SERPINB6: variants seen among roughly 807,000 people sequenced by gnomAD.
SERPINB6 encodes the protein serpin family B member 6.
SERPINB6 carries 16 observed loss-of-function variants against 26.1 expected under a neutral mutation model. That is an observed-to-expected ratio of 0.61 (90% CI 0.42 to 0.93). SERPINB6 has a LOEUF of 0.93. Among genes scored for constraint, SERPINB6 ranks in the 40% least tolerant of loss-of-function variants. The pLI is 0.00. For missense variants in SERPINB6, 420 were observed against 478.0 expected (o/e 0.88, Z 1.13); for synonymous variants, 174 against 176.6 (o/e 0.99, Z 0.11).
At chr6:2,953,209 G>A in intron 4 of SERPINB6, 23 bp from the exon 5 acceptor site, 1 of 1,614,102 alleles carries the variant, frequency 6.2e-7, no homozygotes, top group Non-Finnish European at 8.5e-7. Context: ...ATTCAAGACC[G>A]CATTAGATAG....
intron 1 of SERPINB6, chr6:2,970,635 T>C: frequency 8.2e-7 from 1 of 1,219,468 alleles, no homozygotes; most frequent in Non-Finnish European, 1.0e-6. Flanking sequence ...TGGACTCAGA[T>C]GCCCCCTCGC....
In SERPINB6 at chr6:2,955,668, T is replaced by C; in HGVS notation, c.168A>G (p.Ile56Met). The C allele has an allele frequency of 6.2e-7, 1 of 1,614,174 alleles. No homozygotes were observed. The highest frequency in any genetic ancestry group is 8.5e-7 in the Non-Finnish European group (1 of 1,180,024). The change falls in exon 3 of 7, where the codon ATA becomes ATG. Residue 56 changes from isoleucine (I) to methionine (M), a missense_variant and splice_region_variant. Physicochemically the swap from Ile to Met is conservative, Grantham distance 10 (BLOSUM62 1). Coordinates refer to ENST00000380539, the MANE Select transcript of SERPINB6 (RefSeq NM_004568.6). ...KGNTAAQMAQ[I>M]LSFNKSGGGG... The stretch of plus-strand genomic sequence containing the variant: ...CACCGCCACTTTTATTGAAAGAAAG[T>C]ATCTGAAATCAAAAACAGAATGAAA...
intron 4 of SERPINB6, among the ~76,000 whole-genome samples, chr6:2,953,478 A>G (rs2113169139): frequency 6.6e-6 from 1 of 152,352 alleles, no homozygotes; most frequent in East Asian, 1.9e-4. Flanking sequence ...TGACTTAAAG[A>G]CAAGAACTTA....
rs1770813445 is a variant in SERPINB6 at position 2,959,083 on chromosome 6, T to C, written c.165+85A>G. ...CCCTGCAATACTGCACAGTCATCCGTCTCGAGCGATCCCTTTGGGATTTGG... is the reference window on the plus strand; with the variant it reads ...CCCTGCAATACTGCACAGTCATCCGCCTCGAGCGATCCCTTTGGGATTTGG... On this transcript the variant is annotated intron_variant, in intron 2 of 6. Transcript: ENST00000380539. 2.6e-6 allele frequency: 4 copies of C among 1,556,616 alleles called. No individual in the cohort carries two copies. In the African/African-American group the frequency reaches 4.1e-5, roughly 16 times the overall value.
intron 1 of SERPINB6, chr6:2,969,063 T>G: frequency 1.8e-6 from 2 of 1,140,118 alleles, no homozygotes; most frequent in South Asian, 4.4e-5. Flanking sequence ...GCATAAACAC[T>G]GAACAATTAA....
intron 4 of SERPINB6, among the ~76,000 whole-genome samples, chr6:2,954,109 C>A (rs1180052429): frequency 1.3e-5 from 2 of 149,552 alleles, no homozygotes; most frequent in Admixed American, 1.3e-4. Flanking sequence ...CAGAGGGAGA[C>A]CTTGTCTCAA....
rs745806351 is a variant in SERPINB6, at chr6:2,948,574, G to T, written c.855C>A (p.Val285=). The stretch of plus-strand genomic sequence containing the variant: ...CATCAGTCATGCCCAGGTTGCGCAG[G>T]ACACTCTCCATGTCGTAGCTTTCCT... ...KLEESYDMES[V]LRNLGMTDAF... The change falls in exon 7 of 7, where the codon GTC becomes GTA. Residue 285 remains valine, a synonymous_variant. Coordinates refer to ENST00000380539, the MANE Select transcript of SERPINB6 (RefSeq NM_004568.6). The surrounding 1 kb of genome is among the most constrained non-coding windows in gnomAD (Gnocchi z 5.0). 1 of 1,614,196 alleles carries T rather than the reference G, an allele frequency of 6.2e-7. No individual in the cohort carries two copies. The highest frequency in any genetic ancestry group is 1.1e-5 in the South Asian group (1 of 91,088).
intron 1 of SERPINB6, 109 bp from the exon 2 acceptor site, chr6:2,959,451 G>C: frequency 9.6e-7 from 1 of 1,038,422 alleles, no homozygotes; most frequent in Non-Finnish European, 1.5e-6. Flanking sequence ...TGGGCAAGCA[G>C]AAACACACAC....
intron 5 of SERPINB6, among the ~76,000 whole-genome samples, chr6:2,951,405 A>AT (rs2113137623): frequency 6.6e-6 from 1 of 151,500 alleles, no homozygotes; most frequent in Non-Finnish European, 1.5e-5. Context: ...TAAAAAATAA[A>AT]AAAAAAAAAT....
Position 2,955,189 on chromosome 6 carries a change from C to CAAA in SERPINB6, c.312+332_312+334dup, listed in dbSNP as rs746942111. ...TGGGCGACAGAGCGAGATTCTGTCT[C>CAAA]AAAAAAAAAAAAACAAAAAAAAAAA... On this transcript the variant is annotated intron_variant, in intron 3 of 6. Transcript: ENST00000380539. 3.8e-3 allele frequency: 672 copies of CAAA among 178,138 alleles called. 1 individual carries two copies. The highest frequency in any genetic ancestry group is 8.0e-3 in the East Asian group (55 of 6,884). The allele number at this position is 178,138 out of a possible 1,614,324, so 11.0% of individuals were successfully genotyped here.
At position 2,948,624 on chromosome 6, in the gene SERPINB6, C is replaced by A; in HGVS notation, c.805G>T (p.Val269Leu). Reference sequence around the variant, plus strand: ...TCTAGTTTAAACCGCGGGAGGGACACTTCCACCTCCTCTTCATCCATCATG... The same window carrying A: ...TCTAGTTTAAACCGCGGGAGGGACAATTCCACCTCCTCTTCATCCATCATG... ...LDMMDEEEVEVSLPRFKLEES... is the reference protein window; with the variant it reads ...LDMMDEEEVELSLPRFKLEES... Residue 269 changes from valine to leucine, a missense_variant, in exon 7 of 7, where the codon GTG becomes TTG. Physicochemically the swap from Val to Leu is conservative, Grantham distance 32. Transcript: ENST00000380539. The surrounding 1 kb of genome is among the most constrained non-coding windows in gnomAD (Gnocchi z 5.0). 2 of 1,614,154 alleles carry A rather than the reference C, an allele frequency of 1.2e-6. No individual in the cohort carries two copies. The highest frequency in any genetic ancestry group is 2.2e-5 in the South Asian group (2 of 91,088).
In SERPINB6 at chr6:2,967,305, A is replaced by G. The variant is rs1771726559; in HGVS notation, c.-11+4228T>C. The stretch of plus-strand genomic sequence containing the variant: ...CAAAAATCAACTCAAGATGGATTAA[A>G]GGCTTAGATGTAAAAGCCAAAACTA... On this transcript the variant is annotated intron_variant, in intron 1 of 6. Transcript: ENST00000380539. This position sits in a 1 kb window ranked among gnomAD's most constrained non-coding sequence, Gnocchi z 4.3. The G allele has an allele frequency of 1.2e-6, 1 of 857,854 alleles. No individual in the cohort carries two copies. Among genetic ancestry groups the G allele is most frequent in the South Asian group, 5.4e-5 (1 of 18,668 alleles). The allele number at this position is 857,854 out of a possible 1,614,324, so 53.1% of individuals were successfully genotyped here.
intron 1 of SERPINB6, chr6:2,960,754 A>G (rs1159207278): frequency 6.6e-6 from 1 of 152,374 alleles, no homozygotes; most frequent in Non-Finnish European, 1.5e-5. Context: ...CTCCAAAGAT[A>G]CCTGGGTCAT....
chr6:2,955,548 C>T lies in SERPINB6; in HGVS notation c.288G>A (p.Gly96=), dbSNP rs1581246891. ...CTGAGAGGAAATCACAAGACTTTTC[C>T]CCAAAGAGCCTGTTGGCCATCCTAA... ...YLLRMANRLF[G]EKSCDFLSSF... is the part of the protein sequence containing the mutation. The change falls in exon 3 of 7, where the codon GGG becomes GGA. Residue 96 remains glycine (G), a synonymous_variant. Transcript: ENST00000380539. 2 of 1,614,186 alleles carry T rather than the reference C, an allele frequency of 1.2e-6. No individual in the cohort carries two copies. Among genetic ancestry groups the T allele is most frequent in the Non-Finnish European group, 8.5e-7 (1 of 1,180,020 alleles).
intron 2 of SERPINB6, among the ~76,000 whole-genome samples, chr6:2,958,517 G>T (rs993901331): frequency 6.6e-6 from 1 of 152,110 alleles, no homozygotes; most frequent in Non-Finnish European, 1.5e-5. Flanking sequence ...GAACCCAGCC[G>T]CCAGGCCTAC....
At chr6:2,961,059 C>A (rs1771051146) in intron 1 of SERPINB6, 1 of 152,220 alleles carries the variant, frequency 6.6e-6, no homozygotes. Flanking sequence ...AGGAGCCTGG[C>A]CCTGCGGAAC....
chr6:2,968,775 T>G, intron 1 of SERPINB6: 2 of 1,231,620 alleles, frequency 1.6e-6, no homozygotes, highest in Non-Finnish European at 2.0e-6. Context: ...GAAGTTCTGT[T>G]TACATGGAGG....
At chr6:2,971,249 C>T (rs1395887321) in intron 1 of SERPINB6, 3 of 904,148 alleles carry the variant, frequency 3.3e-6, no homozygotes, top group Middle Eastern at 5.5e-4. Context: ...ACGACTCACC[C>T]GGCCGCGTCG....
rs565499702 is a variant in SERPINB6 at position 2,967,683 on chromosome 6, A to G, written c.-11+3850T>C. 1 of 152,270 alleles carries G rather than the reference A, an allele frequency of 6.6e-6. No homozygotes were observed. The highest frequency in any genetic ancestry group is 1.5e-5 in the Non-Finnish European group (1 of 68,046). The allele number at this position is 152,270 out of a possible 1,614,324, so 9.4% of individuals were successfully genotyped here. ...GAAGACATTCATGCAGCCAACAGCC[A>G]TAAGAAAAAAGGCTCAGTATCACTG... On this transcript the variant is annotated intron_variant, in intron 1 of 6. Coordinates refer to ENST00000380539, the MANE Select transcript of SERPINB6 (RefSeq NM_004568.6). This position sits in a 1 kb window ranked among gnomAD's most constrained non-coding sequence, Gnocchi z 4.3.
Sources: allele counts gnomAD v4.1 joint callset (sites outside exome capture counted in the v4.1 genomes callset), GRCh38; gene constraint gnomAD v4.1.1; non-coding constraint Gnocchi (gnomAD v3.1); transcripts MANE v1.5; gene names NCBI Gene and HGNC (gene_info 2026-07-23, HGNC 2026-07-21).